MYO1H: variants seen among roughly 807,000 people sequenced by gnomAD.
MYO1H encodes unconventional myosin-Ih.
In MYO1H, 118 loss-of-function variants were observed where a neutral mutation model predicts 149.3. The observed-to-expected ratio is 0.79, with a 90% CI of 0.68 to 0.92. The LOEUF (loss-of-function observed/expected upper bound fraction) is 0.92. Ranked by LOEUF, MYO1H falls within the 40% of genes least tolerant of loss-of-function variation. The pLI, the probability that MYO1H is intolerant of heterozygous loss-of-function variation, is 0.00. For synonymous variants in MYO1H, 447 were observed against 465.2 expected (o/e 0.96, Z 0.50); for missense variants, 1,212 against 1,280.7 (o/e 0.95, Z 0.82).
At chr12:109,392,436 T>G (rs6606707) in intron 2 of MYO1H, among the ~76,000 whole-genome samples, 75,783 of 152,064 alleles carry the variant, frequency 0.5, 19,571 homozygotes, top group African/African-American at 0.62. Flanking sequence ...TAAAGAAGTC[T>G]TCCCGGCCAG....
At chr12:109,365,694 G>A (rs1868851820) in intron 1 of MYO1H, among the ~76,000 whole-genome samples, 2 of 152,166 alleles carry the variant, frequency 1.3e-5, no homozygotes, top group African/African-American at 4.8e-5. Flanking sequence ...GGGGTTGTGA[G>A]GATTAAATAA....
chr12:109,339,476 C>G, the MYO1H span, among the ~76,000 whole-genome samples: 1 of 152,102 alleles, frequency 6.6e-6, no homozygotes, highest in Admixed American at 6.6e-5. Context: ...AAAATTCTAA[C>G]CTAGAAACCA....
Position 109,393,317 on chromosome 12 carries a change from G to T in MYO1H, c.175-14G>T, listed in dbSNP as rs1193969846. ...CCCAGAATTCCTCACTTGTGCTTTG[G>T]TCCATTTCTCTAGACATATATTGGC... On this transcript the variant is annotated splice_polypyrimidine_tract_variant and intron_variant, in intron 2 of 31. Transcript: ENST00000310903. The T allele has an allele frequency of 3.9e-6, 6 of 1,522,208 alleles. No individual in the cohort carries two copies. The East Asian group carries it at 1.2e-4, about 30-fold the overall frequency. The allele number at this position is 1,522,208 out of a possible 1,614,324, so 94.3% of individuals were successfully genotyped here. A position where few individuals can be genotyped will look rare whatever the true frequency, so the allele number is the denominator to read the frequency against.
intron 15 of MYO1H, 125 bp from the exon 16 acceptor site, chr12:109,420,856 T>G: frequency 2.9e-6 from 2 of 687,340 alleles, no homozygotes; most frequent in South Asian, 3.3e-5. Flanking sequence ...AGTGCCAAGG[T>G]TGAGAAACTA....
Position 109,388,858 on chromosome 12 carries a change from C to T in MYO1H, c.174+14C>T, listed in dbSNP as rs538481487. 7.5e-6 allele frequency: 12 copies of T among 1,591,894 alleles called. No individual in the cohort carries two copies. Among genetic ancestry groups the T allele is most frequent in the African/African-American group, 1.3e-5 (1 of 74,448 alleles). ...AACCTCATATACGTAACGTGACCCA[C>T]TTCTCAGCTGTTTTTCTAGGGTGGT... is the stretch of plus-strand genomic sequence containing the variant. On this transcript the variant is annotated intron_variant, in intron 2 of 31. Coordinates refer to ENST00000310903, the Ensembl canonical transcript of MYO1H.
the MYO1H span, among the ~76,000 whole-genome samples, chr12:109,317,938 C>G: frequency 6.6e-6 from 1 of 152,186 alleles, no homozygotes; most frequent in South Asian, 2.1e-4. Flanking sequence ...TGGATAACAT[C>G]TTGTTCAGAA....
intron 1 of MYO1H, among the ~76,000 whole-genome samples, chr12:109,363,438 G>A (rs748601841): frequency 1.3e-5 from 2 of 152,234 alleles, no homozygotes; most frequent in Non-Finnish European, 2.9e-5. Context: ...CGTCGGCCGG[G>A]CGCGGTGGCT....
chr12:109,406,584 A>G (rs1308641134), intron 8 of MYO1H, among the ~76,000 whole-genome samples: 3 of 151,378 alleles, frequency 2.0e-5, no homozygotes, highest in Non-Finnish European at 4.4e-5. Flanking sequence ...CGGGAGGTGG[A>G]GGTTGCAGTG....
chr12:109,350,906 T>A (rs982344295), intron 1 of MYO1H, among the ~76,000 whole-genome samples: 6 of 152,174 alleles, frequency 3.9e-5, no homozygotes, highest in Admixed American at 1.3e-4. Context: ...GAGCACAATA[T>A]CTAAACCAGG....
exon 18 of MYO1H, chr12:109,426,018 C>G: frequency 6.2e-7 from 1 of 1,613,790 alleles, no homozygotes. Flanking sequence ...CTCCTACATC[C>G]GTTGCATCAA....
exon 17 of MYO1H, chr12:109,424,816 G>A (rs1871297912): frequency 6.2e-7 from 1 of 1,613,850 alleles, no homozygotes; most frequent in Non-Finnish European, 8.5e-7. Context: ...AAAACCGGAG[G>A]AGGCCCCCAA....
the MYO1H span, among the ~76,000 whole-genome samples, chr12:109,318,079 G>C: frequency 6.6e-6 from 1 of 152,126 alleles, no homozygotes; most frequent in Non-Finnish European, 1.5e-5. Context: ...AAAACATATA[G>C]TTGTTGGTAC....
chr12:109,344,906 G>A (rs888952320), upstream of MYO1H, among the ~76,000 whole-genome samples: 1 of 152,146 alleles, frequency 6.6e-6, no homozygotes, highest in African/African-American at 2.4e-5. Context: ...AATGATGCTG[G>A]AGCGACATGC....
In MYO1H at chr12:109,386,053, G is replaced by A. The variant is rs146738514; in HGVS notation, c.13-2630G>A. Among the ~76,000 whole-genome samples the A allele has an allele frequency of 1.9e-3, 292 of 152,274 alleles. 1 individual carries two copies. Among genetic ancestry groups the A allele is most frequent in the African/African-American group, 6.6e-3 (273 of 41,556 alleles). On this transcript the variant is annotated intron_variant, in intron 1 of 31. Coordinates refer to ENST00000310903, the Ensembl canonical transcript of MYO1H. Reference sequence around the variant, plus strand: ...TCCTCAACTAGGCAACAATTGTTCTGATTTTTCACTGTGGATTAGTTTTGC... The same window carrying A: ...TCCTCAACTAGGCAACAATTGTTCTAATTTTTCACTGTGGATTAGTTTTGC...
chr12:109,425,082 T>C (rs139827031), intron 17 of MYO1H, among the ~76,000 whole-genome samples: 13 of 152,026 alleles, frequency 8.6e-5, no homozygotes, highest in African/African-American at 2.4e-4. Flanking sequence ...CCAGACTGGG[T>C]AACATAATGA....
intron 1 of MYO1H, among the ~76,000 whole-genome samples, chr12:109,361,635 G>A (rs1271452513): frequency 3.9e-5 from 6 of 152,016 alleles, no homozygotes; most frequent in African/African-American, 1.2e-4. Context: ...GCAAAACCCT[G>A]TCTCTATGAA....
chr12:109,332,812 G>T, the MYO1H span, among the ~76,000 whole-genome samples: 5 of 152,102 alleles, frequency 3.3e-5, no homozygotes, highest in Non-Finnish European at 7.3e-5. Flanking sequence ...TCAAAGTCTG[G>T]GGCTTAAGCA....
chr12:109,365,443 G>A (rs1282775593), intron 1 of MYO1H, among the ~76,000 whole-genome samples: 1 of 152,178 alleles, frequency 6.6e-6, no homozygotes, highest in Admixed American at 6.5e-5. Flanking sequence ...CGTCTATTTA[G>A]CATTATGGCT....
the MYO1H span, among the ~76,000 whole-genome samples, chr12:109,319,994 A>T: frequency 2.6e-4 from 39 of 152,220 alleles, no homozygotes; most frequent in Non-Finnish European, 5.0e-4. Context: ...GTAGCCATGA[A>T]CCATACGGGG....
Sources: gnomAD v4.1 joint callset for allele counts (sites outside exome capture counted in the v4.1 genomes callset) on GRCh38, gnomAD v4.1.1 for gene constraint, MANE v1.5 for transcripts, NCBI Gene and HGNC (gene_info 2026-07-23, HGNC 2026-07-21) for gene names.